Variants in RRAGC observed in about 807,000 individuals in gnomAD.
RRAGC encodes Ras related GTP binding C.
A neutral mutation model predicts 37.1 loss-of-function variants in RRAGC; 8 were observed. The observed-to-expected ratio is 0.22, with a 90% CI of 0.13 to 0.39. RRAGC has a LOEUF of 0.39. Ranked by LOEUF, RRAGC falls within the 10% of genes least tolerant of loss-of-function variation. The pLI, the probability that RRAGC is intolerant of heterozygous loss-of-function variation, is 1.00. For missense variants in RRAGC, 342 were observed against 497.6 expected, an observed-to-expected ratio of 0.69 and a Z score of 2.98; for synonymous variants, 190 against 181.1, an observed-to-expected ratio of 1.05 and a Z score of -0.39.
chr1:38,839,499 C>A lies in RRAGC; in HGVS notation c.*54G>T, dbSNP rs1260849249. The stretch of plus-strand genomic sequence containing the variant: ...TCCCATGTCCTGTAGCACGTGGCAT[C>A]CGACCCTGGAGTGAAGAGTAAGCTG... On this transcript the variant is annotated 3_prime_UTR_variant, in exon 7 of 7. Coordinates refer to ENST00000373001, the MANE Select transcript of RRAGC (RefSeq NM_022157.4). 3.1e-6 allele frequency: 5 copies of A among 1,599,200 alleles called. No homozygotes were observed. The highest frequency in any genetic ancestry group is 3.4e-6 in the Non-Finnish European group (4 of 1,170,148).
Position 38,846,099 on chromosome 1 carries a change from G to T in RRAGC, c.900-12C>A. The T allele has an allele frequency of 2.5e-6, 4 of 1,601,720 alleles. No homozygotes were observed. The highest frequency in any genetic ancestry group is 2.6e-6 in the Non-Finnish European group (3 of 1,172,346). The stretch of plus-strand genomic sequence containing the variant: ...CATCTTCCTTTAACCTATTTTAAAA[G>T]AAAGTACTATTCATTACAGGTTTCC... On this transcript the variant is annotated splice_polypyrimidine_tract_variant and intron_variant, in intron 5 of 6. Coordinates refer to ENST00000373001, the MANE Select transcript of RRAGC (RefSeq NM_022157.4).
Position 38,859,473 on chromosome 1 carries a change from G to A in RRAGC, c.174C>T (p.Asp58=). 3 of 1,548,090 alleles carry A rather than the reference G, an allele frequency of 1.9e-6. No homozygotes were observed. The highest frequency in any genetic ancestry group is 1.7e-6 in the Non-Finnish European group (2 of 1,146,670). The stretch of plus-strand genomic sequence containing the variant: ...TGAGCAGAATCCTCGGCTTGGAGCT[G>A]TCAGCGCCCCCCGGACCACAGCCAC... ...AGGGCGPGGA[D]SSKPRILLMG... is the part of the protein sequence containing the mutation. The change falls in exon 1 of 7, where the codon GAC becomes GAT. Residue 58 remains aspartate (D), a synonymous_variant. Coordinates refer to ENST00000373001, the MANE Select transcript of RRAGC (RefSeq NM_022157.4).
At chr1:38,855,987 T>A in intron 2 of RRAGC, 80 bp from the exon 3 acceptor site, 1 of 907,556 alleles carries the variant, frequency 1.1e-6, no homozygotes. Context: ...ACCACCTCTT[T>A]CCCCAACCAC....
In RRAGC at chr1:38,839,644, C is replaced by T. The variant is rs1387194164; in HGVS notation, c.1109G>A (p.Gly370Asp). The T allele has an allele frequency of 2.5e-6, 4 of 1,613,990 alleles. No homozygotes were observed. The highest frequency in any genetic ancestry group is 1.3e-5 in the African/African-American group (1 of 74,906). The change falls in exon 7 of 7, where the codon GGT (glycine) becomes GAT (aspartate). Residue 370 changes from glycine to aspartate, a missense_variant. Transcript: ENST00000373001. ...ACCACAGCTCCTGTGAGAAGTCACA[C>T]CCACCTCAAAAACCTCATGAATAGC... The part of the protein sequence containing the change: ...RKAIHEVFEV[G>D]VTSHRSCGHQ...
chr1:38,853,536 G>A (rs750526226), intron 3 of RRAGC, among the ~76,000 whole-genome samples: 12 of 152,100 alleles, frequency 7.9e-5, no homozygotes, highest in Non-Finnish European at 1.6e-4. Flanking sequence ...ACTTGAGGTC[G>A]GGAGTTCGAG....
intron 6 of RRAGC, among the ~76,000 whole-genome samples, chr1:38,841,257 G>A (rs558421804): frequency 1.3e-5 from 2 of 152,128 alleles, no homozygotes; most frequent in Non-Finnish European, 2.9e-5. Flanking sequence ...AGCTCTCCAG[G>A]AAACATGATT....
chr1:38,853,125 A>G (rs1405097664), intron 3 of RRAGC, among the ~76,000 whole-genome samples: 1 of 152,246 alleles, frequency 6.6e-6, no homozygotes, highest in South Asian at 2.1e-4. Flanking sequence ...AACAGTGCTC[A>G]TAAGTATCTG....
chr1:38,852,391 A>G lies in RRAGC; in HGVS notation c.739T>C (p.Leu247=), dbSNP rs1642111264. The part of the protein sequence containing the change: ...IPQLPTLENL[L]NIFISNSGIE... ...TCACTTACTGATATAAAGATATTTA[A>G]TAGGTTTTCCAAGGTCGGCAGTTGT... is the stretch of plus-strand genomic sequence containing the variant. Residue 247 remains leucine (L), a synonymous_variant, in exon 4 of 7, where the codon TTA becomes CTA. Coordinates refer to ENST00000373001, the MANE Select transcript of RRAGC (RefSeq NM_022157.4). 1 of 1,570,952 alleles carries G rather than the reference A, an allele frequency of 6.4e-7. No homozygotes were observed. The highest frequency in any genetic ancestry group is 1.4e-5 in the African/African-American group (1 of 74,018).
chr1:38,854,110 C>G (rs1642136410), intron 3 of RRAGC, among the ~76,000 whole-genome samples: 1 of 143,946 alleles, frequency 6.9e-6, no homozygotes, highest in South Asian at 2.2e-4. Flanking sequence ...CTCTGTCACC[C>G]AGGCTGGAGT....
rs973676688 is a variant in RRAGC, at chr1:38,839,625, G to A, written c.1128C>T (p.Ser376=). The A allele has an allele frequency of 1.9e-6, 3 of 1,614,130 alleles. No individual in the cohort carries two copies. In the Admixed American group the frequency reaches 5.0e-5, roughly 27 times the overall value. Residue 376 remains serine (S), a synonymous_variant, in exon 7 of 7, where the codon AGC becomes AGT. Coordinates refer to ENST00000373001, the MANE Select transcript of RRAGC (RefSeq NM_022157.4). The part of the protein sequence containing the change: ...VFEVGVTSHR[S]CGHQTSASSL... ...TGGAGGCACTAGTCTGGTGACCACAGCTCCTGTGAGAAGTCACACCCACCT... is the reference window on the plus strand; with the variant it reads ...TGGAGGCACTAGTCTGGTGACCACAACTCCTGTGAGAAGTCACACCCACCT...
intron 1 of RRAGC, 32 bp from the exon 2 acceptor site, chr1:38,857,114 A>G: frequency 6.9e-7 from 1 of 1,453,408 alleles, no homozygotes; most frequent in Non-Finnish European, 9.6e-7. Flanking sequence ...TTTTATGACT[A>G]TTAAACTTCA....
chr1:38,857,353 A>G (rs1050466885), intron 1 of RRAGC, among the ~76,000 whole-genome samples: 2 of 152,180 alleles, frequency 1.3e-5, no homozygotes, highest in Non-Finnish European at 2.9e-5. Flanking sequence ...AGCAATCTCT[A>G]TCACCTCCAT....
Position 38,845,886 on chromosome 1 carries a change from A to C in RRAGC, c.1048+53T>G, listed in dbSNP as rs1394335167. ...ATTTTCACTTGTTTTCAAGAACCTG[A>C]GAAGTTATGGCAAAGAAATTAACAT... On this transcript the variant is annotated intron_variant, in intron 6 of 6. Coordinates refer to ENST00000373001, the MANE Select transcript of RRAGC (RefSeq NM_022157.4). 8 of 1,449,042 alleles carry C rather than the reference A, an allele frequency of 5.5e-6. No homozygotes were observed. The Admixed American group carries it at 6.7e-5, about 12-fold the overall frequency. The allele number at this position is 1,449,042 out of a possible 1,614,324, so 89.8% of individuals were successfully genotyped here.
intron 1 of RRAGC, among the ~76,000 whole-genome samples, chr1:38,858,350 G>A (rs760477892): frequency 1.3e-5 from 2 of 152,144 alleles, no homozygotes; most frequent in Non-Finnish European, 2.9e-5. Context: ...AGCTCACTCC[G>A]CGTATAATGG....
intron 5 of RRAGC, among the ~76,000 whole-genome samples, chr1:38,848,491 T>G (rs1217138385): frequency 2.0e-5 from 3 of 152,080 alleles, no homozygotes; most frequent in Non-Finnish European, 4.4e-5. Flanking sequence ...GAGAAAGAAA[T>G]AAGAAAGGCA....
At chr1:38,856,317 C>T (rs534047664) in intron 2 of RRAGC, among the ~76,000 whole-genome samples, 2 of 152,240 alleles carry the variant, frequency 1.3e-5, no homozygotes, top group African/African-American at 4.8e-5. Context: ...TAATTAGGTC[C>T]TGTACGTGAA....
intron 6 of RRAGC, among the ~76,000 whole-genome samples, 165 bp from the exon 7 acceptor site, chr1:38,839,869 AG>A (rs1641943010): frequency 6.6e-6 from 1 of 152,194 alleles, no homozygotes. Flanking sequence ...GTCATCGGTC[AG>A]GTGCAGTGGC....
chr1:38,839,917 C>A (rs879331245), intron 6 of RRAGC, among the ~76,000 whole-genome samples: 2 of 151,796 alleles, frequency 1.3e-5, no homozygotes, highest in African/African-American at 4.8e-5. Context: ...GAGGCCGAGG[C>A]GGGCAGATCA....
Position 38,859,479 on chromosome 1 carries a change from G to A in RRAGC, c.168C>T (p.Gly56=), listed in dbSNP as rs980569226. 7 of 1,547,744 alleles carry A rather than the reference G, an allele frequency of 4.5e-6. No homozygotes were observed. Among genetic ancestry groups the A allele is most frequent in the Middle Eastern group, 2.2e-4 (1 of 4,534 alleles). The change falls in exon 1 of 7, where the codon GGC becomes GGT. Residue 56 remains glycine, a synonymous_variant. Transcript: ENST00000373001. The stretch of plus-strand genomic sequence containing the variant: ...GAATCCTCGGCTTGGAGCTGTCAGC[G>A]CCCCCCGGACCACAGCCACCGCCTG... ...AGAGGGCGPG[G]ADSSKPRILL...
Sources: gnomAD v4.1 joint callset for allele counts (sites outside exome capture counted in the v4.1 genomes callset) on GRCh38, gnomAD v4.1.1 for gene constraint, MANE v1.5 for transcripts, NCBI Gene and HGNC (gene_info 2026-07-23, HGNC 2026-07-21) for gene names.